Variants in SKAP2 observed in about 807,000 individuals in gnomAD.
SKAP2 encodes the protein src kinase associated phosphoprotein 2.
SKAP2 carries 28 observed loss-of-function variants against 54.9 expected under a neutral mutation model. The observed-to-expected ratio is 0.51, with a 90% CI of 0.38 to 0.70. The LOEUF (loss-of-function observed/expected upper bound fraction) is 0.70, where lower values mean the gene tolerates loss of function less well. Among genes scored for constraint, SKAP2 ranks in the 30% least tolerant of loss-of-function variants. SKAP2 has a pLI of 0.00. For missense variants in SKAP2, 356 were observed against 424.1 expected (o/e 0.84, Z 1.41); for synonymous variants, 137 against 134.3 (o/e 1.02, Z -0.14).
intron 11 of SKAP2, among the ~76,000 whole-genome samples, chr7:26,678,208 G>A (rs1005249946): frequency 1.3e-5 from 2 of 152,064 alleles, no homozygotes; most frequent in Non-Finnish European, 2.9e-5. Context: ...ACAGGACATT[G>A]TAAATGCTCA....
chr7:26,691,332 C>T (rs1174631314), intron 9 of SKAP2, among the ~76,000 whole-genome samples: 2 of 152,094 alleles, frequency 1.3e-5, no homozygotes, highest in Non-Finnish European at 2.9e-5. Flanking sequence ...TTTTTCCTCA[C>T]CTAAGGATTT....
chr7:26,710,794 A>T (rs1242581071), intron 9 of SKAP2, among the ~76,000 whole-genome samples: 1 of 152,044 alleles, frequency 6.6e-6, no homozygotes, highest in East Asian at 1.9e-4. Context: ...TCTTGAAAAC[A>T]TTTTCCCCAC....
chr7:26,786,370 T>C (rs1445824044), intron 4 of SKAP2, among the ~76,000 whole-genome samples: 1 of 152,170 alleles, frequency 6.6e-6, no homozygotes, highest in African/African-American at 2.4e-5. Context: ...GTAAAAAACA[T>C]ATAAGTAAGA....
At chr7:26,685,366 C>T (rs1786612157) in intron 10 of SKAP2, among the ~76,000 whole-genome samples, 1 of 151,992 alleles carries the variant, frequency 6.6e-6, no homozygotes, top group South Asian at 2.1e-4. Flanking sequence ...ATACTAAACC[C>T]TAGAGCTGGT....
At chr7:26,683,531 T>TGGAAGGAAGGAA (rs1419399209) in intron 11 of SKAP2, among the ~76,000 whole-genome samples, 3 of 91,118 alleles carry the variant, frequency 3.3e-5, no homozygotes, top group East Asian at 4.9e-4. Flanking sequence ...TTATGATGGA[T>TGGAAGGAAGGAA]GGATGGAAGG....
chr7:26,798,136 T>C (rs1442154727), intron 4 of SKAP2, among the ~76,000 whole-genome samples: 3 of 151,864 alleles, frequency 2.0e-5, no homozygotes, highest in African/African-American at 7.3e-5. Flanking sequence ...AAGCATTTAA[T>C]AGTCAAACTC....
intron 4 of SKAP2, among the ~76,000 whole-genome samples, chr7:26,837,671 G>C (rs1026936434): frequency 6.6e-6 from 1 of 152,152 alleles, no homozygotes; most frequent in African/African-American, 2.4e-5. Flanking sequence ...TTTGGGCGGA[G>C]ATAAATATCC....
At chr7:26,730,453 A>C (rs1787799256) in intron 6 of SKAP2, among the ~76,000 whole-genome samples, 1 of 152,194 alleles carries the variant, frequency 6.6e-6, no homozygotes, top group Non-Finnish European at 1.5e-5. Flanking sequence ...ATTGTGATGG[A>C]AAGCTTTCTA....
At chr7:26,675,280 G>A (rs569180213) in intron 11 of SKAP2, among the ~76,000 whole-genome samples, 6 of 152,188 alleles carry the variant, frequency 3.9e-5, no homozygotes, top group Middle Eastern at 3.4e-3. Flanking sequence ...ACAACCTGCC[G>A]CACTACACTC....
At position 26,684,717 on chromosome 7, in the gene SKAP2, T is replaced by C. The variant is rs1786590892; in HGVS notation, c.987+19A>G. 6.7e-7 allele frequency: 1 copy of C among 1,494,704 alleles called. No individual in the cohort carries two copies. Among genetic ancestry groups the C allele is most frequent in the Admixed American group, 1.7e-5 (1 of 59,252 alleles). 92.6% of individuals were successfully genotyped at this position (1,494,704 alleles called of 1,614,324 possible). ...TTGTATTCCCTCTTTACAAACGTCA[T>C]TTTGGGGTATCTTCTTACCTTGCTA... On this transcript the variant is annotated intron_variant, in intron 11 of 12. Transcript: ENST00000345317.
In SKAP2 at chr7:26,740,078, C is replaced by T. The variant is rs193220814; in HGVS notation, c.308-114G>A. ...TTTTAATTACTGAAATTGTTTAAAT[C>T]TAAGTCTATTAGCTTTGTTTCAGAT... On this transcript the variant is annotated intron_variant, in intron 4 of 12. Transcript: ENST00000345317. 185 of 577,992 alleles carry T rather than the reference C, an allele frequency of 3.2e-4. 1 individual carries two copies. The highest frequency in any genetic ancestry group is 8.9e-5 in the Non-Finnish European group (30 of 336,122). The allele number at this position is 577,992 out of a possible 1,614,324, so 35.8% of individuals were successfully genotyped here.
intron 4 of SKAP2, among the ~76,000 whole-genome samples, chr7:26,801,944 A>T (rs1168155770): frequency 6.6e-6 from 1 of 152,166 alleles, no homozygotes; most frequent in Non-Finnish European, 1.5e-5. Flanking sequence ...CAATCTACAG[A>T]TTCAATGCAA....
Position 26,738,870 on chromosome 7 carries a change from A to G in SKAP2, c.394T>C (p.Phe132Leu). The G allele has an allele frequency of 6.3e-7, 1 of 1,596,262 alleles. No individual in the cohort carries two copies. The highest frequency in any genetic ancestry group is 8.6e-7 in the Non-Finnish European group (1 of 1,164,026). The change falls in exon 6 of 13, where the codon TTT becomes CTT. Residue 132 changes from phenylalanine to leucine, a missense_variant. Physicochemically the swap from Phe to Leu is conservative, Grantham distance 22. Transcript: ENST00000345317. Reference sequence around the variant, plus strand: ...CGTTTCTGCCATTCAAATCCCAGAAAGCTGTGATCTGCAATAAAGAGGGGA... The same window carrying G: ...CGTTTCTGCCATTCAAATCCCAGAAGGCTGTGATCTGCAATAAAGAGGGGA... ...YLEKRRKDHS[F>L]LGFEWQKRWC...
At chr7:26,843,912 T>G (rs550246261) in intron 4 of SKAP2, 118 bp downstream of exon 4, 1 of 628,140 alleles carries the variant, frequency 1.6e-6, no homozygotes, top group Non-Finnish European at 2.8e-6. Flanking sequence ...TAAAAGGTTT[T>G]GGTAAAGGTA....
intron 9 of SKAP2, among the ~76,000 whole-genome samples, chr7:26,690,662 G>A (rs987510925): frequency 1.3e-5 from 2 of 152,048 alleles, no homozygotes; most frequent in African/African-American, 2.4e-5. Context: ...CAAAATTTAA[G>A]ATATGTACTA....
chr7:26,854,726 T>C lies in SKAP2; in HGVS notation c.173+59A>G, dbSNP rs571615588. The C allele has an allele frequency of 9.6e-6, 14 of 1,461,580 alleles. No homozygotes were observed. The East Asian group carries it at 2.6e-4, about 27-fold the overall frequency. The allele number at this position is 1,461,580 out of a possible 1,614,324, so 90.5% of individuals were successfully genotyped here. On this transcript the variant is annotated intron_variant, in intron 2 of 12. Transcript: ENST00000345317. Reference sequence around the variant, plus strand: ...CATAATAATCGATTTCTTATTAAAATGTTAGTTACAAAACTGCTTCTATGT... The same window carrying C: ...CATAATAATCGATTTCTTATTAAAACGTTAGTTACAAAACTGCTTCTATGT...
chr7:26,790,509 TACTA>T (rs1783652116), intron 4 of SKAP2, among the ~76,000 whole-genome samples: 1 of 152,190 alleles, frequency 6.6e-6, no homozygotes, highest in South Asian at 2.1e-4. Flanking sequence ...TCAGAAGAAA[TACTA>T]ACAAAAGGTT....
chr7:26,702,370 G>A (rs1028398877), intron 9 of SKAP2, among the ~76,000 whole-genome samples: 2 of 152,006 alleles, frequency 1.3e-5, no homozygotes, highest in African/African-American at 4.8e-5. Context: ...TTGAACTCCT[G>A]GGCTCAAGCA....
chr7:26,820,576 G>T (rs1784366714), intron 4 of SKAP2, among the ~76,000 whole-genome samples: 1 of 152,028 alleles, frequency 6.6e-6, no homozygotes, highest in Non-Finnish European at 1.5e-5. Flanking sequence ...CTAACAGACA[G>T]GAAGCTAAAT....
Sources: allele counts gnomAD v4.1 joint callset (sites outside exome capture counted in the v4.1 genomes callset), GRCh38; gene constraint gnomAD v4.1.1; transcripts MANE v1.5; gene names NCBI Gene and HGNC (gene_info 2026-07-23, HGNC 2026-07-21).